The following PTPRK variants were observed in gnomAD, a reference collection of about 807,000 sequenced individuals.
PTPRK encodes receptor-type tyrosine-protein phosphatase kappa.
In PTPRK, 75 loss-of-function variants were observed where a neutral mutation model predicts 178.0. The observed-to-expected ratio is 0.42, with a 90% CI of 0.35 to 0.51. PTPRK has a LOEUF of 0.51. PTPRK is among the 20% of genes least tolerant of loss of function. The pLI is 0.02. For synonymous variants in PTPRK, 637 were observed against 620.6 expected (o/e 1.03, Z -0.39); for missense variants, 1,441 against 1,797.8 (o/e 0.80, Z 3.59).
chr6:128,177,225 C>T (rs1801206034), intron 7 of PTPRK, among the ~76,000 whole-genome samples: 1 of 151,654 alleles, frequency 6.6e-6, no homozygotes, highest in South Asian at 2.1e-4. Flanking sequence ...CTATCTAGGT[C>T]ATTTTCTTCA....
intron 1 of PTPRK, among the ~76,000 whole-genome samples, chr6:128,491,126 T>C (rs1167137826): frequency 6.6e-6 from 1 of 152,226 alleles, no homozygotes; most frequent in Non-Finnish European, 1.5e-5. Flanking sequence ...TGTATTACTA[T>C]ACAAGTGCCT....
chr6:128,130,502 T>C (rs1233030382), intron 7 of PTPRK, among the ~76,000 whole-genome samples: 1 of 152,188 alleles, frequency 6.6e-6, no homozygotes, highest in Admixed American at 6.5e-5. Context: ...AAAATTTTTT[T>C]CCTTTATCTT....
chr6:128,230,773 A>G (rs1474413012), intron 5 of PTPRK: 1 of 152,150 alleles, frequency 6.6e-6, no homozygotes, highest in Non-Finnish European at 1.5e-5. Flanking sequence ...ACAGGAGAGC[A>G]TATTGTTCTT....
intron 1 of PTPRK, among the ~76,000 whole-genome samples, chr6:128,398,346 C>T (rs58886432): frequency 0.024 from 3,714 of 152,224 alleles, 144 homozygotes; most frequent in African/African-American, 0.084. Context: ...AAAGGGAGTA[C>T]GCTGTGGTCC....
chr6:128,254,409 A>G (rs1738273), intron 3 of PTPRK, among the ~76,000 whole-genome samples: 10,659 of 152,202 alleles, frequency 0.07, 1,022 homozygotes, highest in African/African-American at 0.22. Context: ...TACGTTTGAC[A>G]GTCAGGTTCA....
At chr6:128,223,309 C>T (rs1810739606) in intron 5 of PTPRK, among the ~76,000 whole-genome samples, 1 of 151,792 alleles carries the variant, frequency 6.6e-6, no homozygotes. Context: ...TAATAAAATA[C>T]ACATTAATCA....
chr6:128,514,370 A>ATGTGTGTGTGTG (rs146438569), intron 1 of PTPRK, among the ~76,000 whole-genome samples: 284 of 148,378 alleles, frequency 1.9e-3, no homozygotes, highest in Non-Finnish European at 2.3e-3. Context: ...CATTGTTAAG[A>ATGTGTGTGTGTG]TGTGTGTGTG....
intron 1 of PTPRK, among the ~76,000 whole-genome samples, chr6:128,448,935 T>C (rs539491033): frequency 1.1e-4 from 16 of 152,166 alleles, no homozygotes; most frequent in Non-Finnish European, 2.4e-4. Flanking sequence ...TCTCGGCTCA[T>C]TGCAACCTCC....
At chr6:128,445,943 C>T (rs948747675) in intron 1 of PTPRK, among the ~76,000 whole-genome samples, 3 of 151,998 alleles carry the variant, frequency 2.0e-5, no homozygotes, top group African/African-American at 7.2e-5. Flanking sequence ...TAACATGTTC[C>T]ATCTTGTATA....
intron 1 of PTPRK, among the ~76,000 whole-genome samples, chr6:128,502,799 C>G (rs1855748334): frequency 1.3e-5 from 2 of 152,158 alleles, no homozygotes; most frequent in Admixed American, 1.3e-4. Context: ...TCTCTTGTAT[C>G]TGTATGGTGG....
chr6:128,185,093 C>T (rs763091107), intron 6 of PTPRK, among the ~76,000 whole-genome samples: 3 of 152,006 alleles, frequency 2.0e-5, no homozygotes, highest in Admixed American at 6.6e-5. Context: ...CAAACTATGC[C>T]CAAGAGGTAT....
intron 1 of PTPRK, among the ~76,000 whole-genome samples, chr6:128,501,536 T>C (rs1014910613): frequency 3.3e-5 from 5 of 152,240 alleles, no homozygotes; most frequent in Non-Finnish European, 7.3e-5. Context: ...ACTAGGTTTT[T>C]TGTGGGCGGA....
chr6:128,070,954 T>G (rs1782714708), intron 11 of PTPRK, among the ~76,000 whole-genome samples: 1 of 151,812 alleles, frequency 6.6e-6, no homozygotes, highest in Non-Finnish European at 1.5e-5. Context: ...TCTTTTTCTT[T>G]CTCCATGAAA....
intron 1 of PTPRK, among the ~76,000 whole-genome samples, chr6:128,477,195 A>T (rs1429058711): frequency 6.6e-6 from 1 of 152,084 alleles, no homozygotes; most frequent in Non-Finnish European, 1.5e-5. Context: ...ATTAAAGAAA[A>T]TATACACAGT....
intron 4 of PTPRK, among the ~76,000 whole-genome samples, chr6:128,241,781 CTTT>C (rs930513368): frequency 3.0e-5 from 4 of 132,146 alleles, no homozygotes; most frequent in African/African-American, 8.5e-5. Flanking sequence ...TGTTTGCTTT[CTTT>C]TTTTTTTTTT....
chr6:128,082,363 T>C (rs1447137753), intron 10 of PTPRK, 74 bp downstream of exon 10: 32 of 1,366,076 alleles, frequency 2.3e-5, no homozygotes, highest in Non-Finnish European at 3.3e-5. Context: ...TTGGTTTATA[T>C]GTGATTCTCC....
intron 13 of PTPRK, among the ~76,000 whole-genome samples, chr6:128,010,082 A>C (rs1189165612): frequency 6.6e-6 from 1 of 151,232 alleles, no homozygotes; most frequent in Non-Finnish European, 1.5e-5. Flanking sequence ...ATTGACAAGG[A>C]AAGTATTATT....
At chr6:128,076,582 T>C (rs1783862910) in intron 11 of PTPRK, among the ~76,000 whole-genome samples, 2 of 152,042 alleles carry the variant, frequency 1.3e-5, no homozygotes, top group East Asian at 3.9e-4. Context: ...CTTCTTCTTG[T>C]AATATTCCAG....
intron 3 of PTPRK, among the ~76,000 whole-genome samples, chr6:128,298,618 C>A (rs1441114047): frequency 6.6e-6 from 1 of 152,028 alleles, no homozygotes; most frequent in African/African-American, 2.4e-5. Flanking sequence ...AAGACAAAAA[C>A]CACATGATTA....
Sources: gnomAD v4.1 joint callset for allele counts (sites outside exome capture counted in the v4.1 genomes callset) on GRCh38, gnomAD v4.1.1 for gene constraint, MANE v1.5 for transcripts, NCBI Gene and HGNC (gene_info 2026-07-23, HGNC 2026-07-21) for gene names.